The following CD55 variants were observed in gnomAD, a reference collection of about 807,000 sequenced individuals.
The protein encoded by CD55 is complement decay-accelerating factor.
In CD55, 41 loss-of-function variants were observed where a neutral mutation model predicts 45.8. The observed-to-expected ratio is 0.90, with a 90% CI of 0.70 to 1.16. CD55 has a LOEUF of 1.16. Ranked by LOEUF, CD55 falls within the 50% of genes most tolerant of loss-of-function variation. The pLI, the probability that CD55 is intolerant of heterozygous loss-of-function variation, is 0.00. For synonymous variants in CD55, 181 were observed against 181.1 expected, an observed-to-expected ratio of 1.00 and a Z score of 0.01; for missense variants, 416 against 469.8, an observed-to-expected ratio of 0.89 and a Z score of 1.06.
chr1:207,347,406 C>T (rs1174801724), intron 9 of CD55: 2 of 350,964 alleles, frequency 5.7e-6, no homozygotes, highest in African/African-American at 4.3e-5. Flanking sequence ...ACTATAGGCG[C>T]CTGCCACCAC....
chr1:207,346,251 G>T (rs1325413150), intron 9 of CD55, among the ~76,000 whole-genome samples: 2 of 152,174 alleles, frequency 1.3e-5, no homozygotes, highest in Non-Finnish European at 2.9e-5. Context: ...GATGTTAGTG[G>T]CAGGTTGAGT....
At chr1:207,333,845 A>T (rs1393548087) in intron 6 of CD55, among the ~76,000 whole-genome samples, 1 of 152,170 alleles carries the variant, frequency 6.6e-6, no homozygotes, top group South Asian at 2.1e-4. Flanking sequence ...CACAAAGAGA[A>T]AAAGGAATGT....
chr1:207,340,807 C>T lies in CD55; in HGVS notation c.1081+1390C>T, dbSNP rs1300190419. On this transcript the variant is annotated intron_variant, in intron 9 of 9. Coordinates refer to ENST00000367064, the MANE Select transcript of CD55 (RefSeq NM_000574.5). Reference sequence around the variant, plus strand: ...GGTTTTATTTTCCTTTGGATAAATACCCAGTAGTGGGATTGCTGGATCCTA... The same window carrying T: ...GGTTTTATTTTCCTTTGGATAAATATCCAGTAGTGGGATTGCTGGATCCTA... 9.2e-6 allele frequency: 4 copies of T among 435,028 alleles called. No individual in the cohort carries two copies. The South Asian group carries it at 2.0e-4, about 22-fold the overall frequency. The allele number at this position is 435,028 out of a possible 1,614,324, so 26.9% of individuals were successfully genotyped here. A position where few individuals can be genotyped will look rare whatever the true frequency, so the allele number is the denominator to read the frequency against.
At chr1:207,325,082 C>T (rs1342902609) in intron 3 of CD55, among the ~76,000 whole-genome samples, 8 of 152,100 alleles carry the variant, frequency 5.3e-5, no homozygotes, top group African/African-American at 1.9e-4. Context: ...TACCTGTAAT[C>T]CCAGCACTTT....
intron 9 of CD55, among the ~76,000 whole-genome samples, chr1:207,355,252 A>G (rs900144649): frequency 5.7e-4 from 73 of 127,210 alleles, no homozygotes; most frequent in African/African-American, 2.1e-3. Context: ...TTCAGTTACT[A>G]TTCTAGTGTC....
At chr1:207,325,441 T>C (rs1654635554) in intron 3 of CD55, among the ~76,000 whole-genome samples, 181 bp from the exon 4 acceptor site, 1 of 152,200 alleles carries the variant, frequency 6.6e-6, no homozygotes, top group Non-Finnish European at 1.5e-5. Flanking sequence ...CTGAGCTTTA[T>C]TGAGGTATAA....
At chr1:207,321,915 C>A in intron 1 of CD55, 50 bp downstream of exon 1, 2 of 1,336,232 alleles carry the variant, frequency 1.5e-6, no homozygotes, top group South Asian at 2.7e-5. Flanking sequence ...GGTGGGAGGT[C>A]CAAGTCGGTC....
intron 5 of CD55, among the ~76,000 whole-genome samples, chr1:207,329,112 C>T (rs887440838): frequency 1.3e-5 from 2 of 152,164 alleles, no homozygotes; most frequent in African/African-American, 2.4e-5. Flanking sequence ...GTGGGAGGGA[C>T]CCTCTCAGGC....
rs111981732 is a variant in CD55 at position 207,348,784 on chromosome 1, A to G, written c.1081+9367A>G. On this transcript the variant is annotated intron_variant, in intron 9 of 9. Coordinates refer to ENST00000367064, the MANE Select transcript of CD55 (RefSeq NM_000574.5). ...TAGGGGTCCATTTTCAATCTTCTGCATATGGCTAGCCAGTTATAGCATTTA... is the reference window on the plus strand; with the variant it reads ...TAGGGGTCCATTTTCAATCTTCTGCGTATGGCTAGCCAGTTATAGCATTTA... Among the ~76,000 whole-genome samples, 838 of 152,314 alleles carry G rather than the reference A, an allele frequency of 5.5e-3. 8 individuals are homozygous for G. Among genetic ancestry groups the G allele is most frequent in the African/African-American group, 0.018 (760 of 41,568 alleles).
intron 9 of CD55, among the ~76,000 whole-genome samples, chr1:207,352,507 T>G (rs1200863845): frequency 2.6e-5 from 4 of 152,198 alleles, no homozygotes; most frequent in Admixed American, 2.0e-4. Context: ...GCTTAACCTC[T>G]GGAGTCAAAC....
intron 9 of CD55, chr1:207,354,013 A>G: frequency 6.5e-7 from 1 of 1,534,804 alleles, no homozygotes; most frequent in Non-Finnish European, 8.7e-7. Context: ...TTAGCTCTGC[A>G]AGTTAGACCT....
At chr1:207,340,631 C>T (rs1018451361) in intron 9 of CD55, 56 of 668,456 alleles carry the variant, frequency 8.4e-5, no homozygotes, top group Middle Eastern at 2.4e-4. Flanking sequence ...CCTCCCAAAA[C>T]GTTGCGATTA....
intron 9 of CD55, among the ~76,000 whole-genome samples, chr1:207,343,965 A>G (rs1478103458): frequency 6.6e-6 from 1 of 152,120 alleles, no homozygotes; most frequent in Non-Finnish European, 1.5e-5. Flanking sequence ...GTTTCATCTG[A>G]TATAAGTACA....
At chr1:207,331,821 CAGAAGGT>C (rs953403794) in intron 6 of CD55, among the ~76,000 whole-genome samples, 5 of 152,054 alleles carry the variant, frequency 3.3e-5, no homozygotes, top group African/African-American at 1.2e-4. Flanking sequence ...TTTTTATACC[CAGAAGGT>C]ACTCTCAGAA....
chr1:207,356,480 T>C (rs187465388), intron 9 of CD55, among the ~76,000 whole-genome samples: 32 of 152,324 alleles, frequency 2.1e-4, no homozygotes, highest in Middle Eastern at 6.8e-3. Flanking sequence ...GTGTAATTTA[T>C]GATAGTATCT....
At chr1:207,330,007 C>T (rs7551066) in intron 5 of CD55, among the ~76,000 whole-genome samples, 1 of 146,086 alleles carries the variant, frequency 6.8e-6, no homozygotes, top group African/African-American at 2.6e-5. Context: ...ATGACCCTTG[C>T]ATTTTTTATT....
chr1:207,325,371 T>C (rs1212036521), intron 3 of CD55, among the ~76,000 whole-genome samples: 1 of 150,946 alleles, frequency 6.6e-6, no homozygotes, highest in African/African-American at 2.4e-5. Flanking sequence ...ATAAGAAATA[T>C]CAATGGTTCA....
chr1:207,351,043 G>C (rs920160035), intron 9 of CD55, among the ~76,000 whole-genome samples: 1 of 152,100 alleles, frequency 6.6e-6, no homozygotes, highest in African/African-American at 2.4e-5. Context: ...ACTCTGGTAT[G>C]TTGTATCTTT....
At chr1:207,347,152 A>G (rs1384887616) in intron 9 of CD55, 1 of 456,260 alleles carries the variant, frequency 2.2e-6, no homozygotes. Flanking sequence ...ATGGAAGAGG[A>G]GAAGACCAGA....
Sources: allele counts gnomAD v4.1 joint callset (sites outside exome capture counted in the v4.1 genomes callset), GRCh38; gene constraint gnomAD v4.1.1; transcripts MANE v1.5; gene names NCBI Gene and HGNC (gene_info 2026-07-23, HGNC 2026-07-21).